The following SRGAP2 variants were observed in gnomAD, a reference collection of about 807,000 sequenced individuals.
SRGAP2 encodes the protein SLIT-ROBO Rho GTPase activating protein 2, also known as SLIT-ROBO Rho GTPase-activating protein 2.
Under a neutral mutation model 57.2 loss-of-function variants are expected in SRGAP2, and 15 were observed. That is an observed-to-expected ratio of 0.26 (90% CI 0.18 to 0.40). The LOEUF (loss-of-function observed/expected upper bound fraction) is 0.40, where lower values mean the gene tolerates loss of function less well. Among genes scored for constraint, SRGAP2 ranks in the 10% least tolerant of loss-of-function variants. SRGAP2 has a pLI of 1.00. For synonymous variants in SRGAP2, 249 were observed against 248.0 expected (o/e 1.00, Z -0.04); for missense variants, 520 against 669.6 (o/e 0.78, Z 2.47).
chr1:206,366,320 C>T (rs1439574277), intron 4 of SRGAP2, among the ~76,000 whole-genome samples: 2 of 152,222 alleles, frequency 1.3e-5, no homozygotes, highest in Admixed American at 6.5e-5. Context: ...ACCCCATCTA[C>T]AAGCTAGAAG....
chr1:206,415,862 GCTCT>G (rs1553361657), intron 10 of SRGAP2, 23 bp from the exon 11 acceptor site: 1 of 769,952 alleles, frequency 1.3e-6, no homozygotes, highest in South Asian at 1.4e-5. Flanking sequence ...GAGTCTGATT[GCTCT>G]TTTTCCTCCT....
intron 21 of SRGAP2, among the ~76,000 whole-genome samples, chr1:206,456,319 TA>T (rs1268098347): frequency 1.6e-4 from 24 of 151,856 alleles, no homozygotes; most frequent in African/African-American, 5.6e-4. Context: ...TCAGACCAGT[TA>T]AAAAAAAATT....
intron 4 of SRGAP2, among the ~76,000 whole-genome samples, chr1:206,345,779 G>A (rs1338512224): frequency 1.3e-5 from 2 of 151,838 alleles, no homozygotes; most frequent in East Asian, 3.9e-4. Context: ...GCAACAGAAC[G>A]AGACCCTGAT....
At chr1:206,414,033 CTTT>C (rs1202216512) in intron 10 of SRGAP2, among the ~76,000 whole-genome samples, 9 of 128,912 alleles carry the variant, frequency 7.0e-5, no homozygotes, top group Non-Finnish European at 1.1e-4. Context: ...CTTTTTCTTT[CTTT>C]TTTTTTTTTT....
At chr1:206,365,642 C>G (rs1428815882) in intron 4 of SRGAP2, among the ~76,000 whole-genome samples, 2 of 131,912 alleles carry the variant, frequency 1.5e-5, no homozygotes, top group Admixed American at 1.5e-4. Context: ...CAAATCAACT[C>G]AGGGCCGGGG....
Position 206,454,143 on chromosome 1 carries a change from G to A in SRGAP2, c.2361-735G>A, listed in dbSNP as rs1663604667. The A allele has an allele frequency of 1.4e-6, 1 of 702,372 alleles. No homozygotes were observed. Among genetic ancestry groups the A allele is most frequent in the Admixed American group, 2.0e-5 (1 of 49,986 alleles). 43.5% of individuals were successfully genotyped at this position (702,372 alleles called of 1,614,324 possible). The stretch of plus-strand genomic sequence containing the variant: ...CCTTCCCTTAATATTATTTTTTAAA[G>A]GTTGATATCCTGAGTGAGTCTGCAC... On this transcript the variant is annotated intron_variant, in intron 20 of 22. Transcript: ENST00000573034. The surrounding 1 kb of genome is among the most constrained non-coding windows in gnomAD (Gnocchi z 4.3).
chr1:206,438,004 G>A lies in SRGAP2; in HGVS notation c.1674G>A (p.Met558Ile). 1.3e-6 allele frequency: 1 copy of A among 780,874 alleles called. No individual in the cohort carries two copies. The highest frequency in any genetic ancestry group is 1.3e-5 in the South Asian group (1 of 74,626). 48.4% of individuals were successfully genotyped at this position (780,874 alleles called of 1,614,324 possible). ...CTGGGGACCAGAACGACCATGACATGGATTCCATAGCTGGTGTCCTGAAGC... is the reference window on the plus strand; with the variant it reads ...CTGGGGACCAGAACGACCATGACATAGATTCCATAGCTGGTGTCCTGAAGC... ...PLAGDQNDHD[M>I]DSIAGVLKLY... The change falls in exon 16 of 23, where the codon ATG becomes ATA. Residue 558 changes from methionine to isoleucine, a missense_variant. Physicochemically the swap from Met to Ile is conservative, Grantham distance 10. Around this residue, in one of 5 missense-constraint regions of SRGAP2, gnomAD observed 478 missense variants for 373.6 expected, o/e 1.28. Transcript: ENST00000573034.
intron 2 of SRGAP2, among the ~76,000 whole-genome samples, chr1:206,208,553 A>G (rs1454723026): frequency 1.3e-5 from 2 of 152,198 alleles, no homozygotes; most frequent in Non-Finnish European, 2.9e-5. Context: ...GTGATTGGCC[A>G]TACAGCTGTG....
intron 14 of SRGAP2, among the ~76,000 whole-genome samples, chr1:206,432,403 G>A (rs1320815901): frequency 1.3e-5 from 2 of 152,196 alleles, no homozygotes; most frequent in African/African-American, 4.8e-5. Flanking sequence ...TTACGATCCA[G>A]CAGATCCTAG....
At chr1:206,244,131 C>T (rs1668401518) in intron 2 of SRGAP2, among the ~76,000 whole-genome samples, 1 of 63,224 alleles carries the variant, frequency 1.6e-5, no homozygotes, top group Admixed American at 1.6e-4. Flanking sequence ...GTGGCATTAG[C>T]CAGGATCTCT....
At chr1:206,312,686 A>G (rs1399092534) in intron 3 of SRGAP2, among the ~76,000 whole-genome samples, 3 of 152,174 alleles carry the variant, frequency 2.0e-5, no homozygotes, top group Non-Finnish European at 2.9e-5. Context: ...TGTTTAAGAC[A>G]GGTAACATGG....
chr1:206,437,881 G>A lies in SRGAP2; in HGVS notation c.1634-83G>A, dbSNP rs1409540865. 4.0e-6 allele frequency: 3 copies of A among 754,810 alleles called. No homozygotes were observed. The Admixed American group carries it at 5.2e-5, about 13-fold the overall frequency. The allele number at this position is 754,810 out of a possible 1,614,324, so 46.8% of individuals were successfully genotyped here. On this transcript the variant is annotated intron_variant, in intron 15 of 22. Transcript: ENST00000573034. ...GATGGATTGGGACCAGGACATGCATGGTTCACCCCTTCCCCACGTTCGTCC... is the reference window on the plus strand; with the variant it reads ...GATGGATTGGGACCAGGACATGCATAGTTCACCCCTTCCCCACGTTCGTCC...
chr1:206,248,101 G>C (rs569864067), intron 2 of SRGAP2, among the ~76,000 whole-genome samples: 1 of 152,046 alleles, frequency 6.6e-6, no homozygotes, highest in Non-Finnish European at 1.5e-5. Context: ...GCTTCACAGA[G>C]GAAGTGAAGC....
chr1:206,356,969 T>G (rs1553339434), intron 4 of SRGAP2, among the ~76,000 whole-genome samples: 1 of 143,054 alleles, frequency 7.0e-6, no homozygotes, highest in African/African-American at 2.7e-5. Context: ...TTACTCAATA[T>G]GAAACTTCCA....
Position 206,332,714 on chromosome 1 carries a change from A to AT in SRGAP2, c.261-10125dup, listed in dbSNP as rs1210988388. Among the ~76,000 whole-genome samples the AT allele has an allele frequency of 7.6e-3, 1,127 of 149,042 alleles. 10 individuals carry two copies. The highest frequency in any genetic ancestry group is 0.025 in the African/African-American group (991 of 39,258). ...TTATTCTAGTTATACATTCTTCTAAATTTTTTTCAAAGTTTTCAACTTCTT... is the reference window on the plus strand; with the variant it reads ...TTATTCTAGTTATACATTCTTCTAAATTTTTTTTCAAAGTTTTCAACTTCTT... On this transcript the variant is annotated intron_variant, in intron 3 of 22. Coordinates refer to ENST00000573034, the MANE Select transcript of SRGAP2 (RefSeq NM_015326.5).
chr1:206,347,791 A>C (rs1281054484), intron 4 of SRGAP2, among the ~76,000 whole-genome samples: 2 of 148,492 alleles, frequency 1.3e-5, no homozygotes, highest in Non-Finnish European at 3.0e-5. Flanking sequence ...TTTCTTTTGC[A>C]CATAAACCTT....
chr1:206,421,990 C>G (rs545240440), intron 13 of SRGAP2, among the ~76,000 whole-genome samples: 63 of 152,306 alleles, frequency 4.1e-4, no homozygotes, highest in African/African-American at 1.5e-3. Context: ...CCTAATTATA[C>G]TTTATGGCAA....
intron 10 of SRGAP2, among the ~76,000 whole-genome samples, chr1:206,410,587 A>G (rs1281886897): frequency 1.3e-5 from 2 of 152,196 alleles, no homozygotes; most frequent in Non-Finnish European, 2.9e-5. Flanking sequence ...ACCCTTTAAT[A>G]TGATAAATTA....
At chr1:206,326,804 T>G (rs1673927563) in intron 3 of SRGAP2, among the ~76,000 whole-genome samples, 1 of 152,218 alleles carries the variant, frequency 6.6e-6, no homozygotes, top group African/African-American at 2.4e-5. Context: ...TCAGCTGCAT[T>G]AGGCACAGAA....
Sources: allele counts gnomAD v4.1 joint callset (sites outside exome capture counted in the v4.1 genomes callset), GRCh38; gene constraint gnomAD v4.1.1; regional missense constraint gnomAD v4.1.1; non-coding constraint Gnocchi (gnomAD v3.1); transcripts MANE v1.5; gene names NCBI Gene and HGNC (gene_info 2026-07-23, HGNC 2026-07-21).